Variants in TNNI3K observed in about 807,000 individuals in gnomAD.
TNNI3K encodes the protein serine/threonine-protein kinase TNNI3K.
A neutral mutation model predicts 114.5 loss-of-function variants in TNNI3K; 140 were observed. The observed-to-expected ratio is 1.22, with a 90% confidence interval of 1.07 to 1.41. The LOEUF is 1.41. Ranked by LOEUF, TNNI3K falls within the 40% of genes most tolerant of loss-of-function variation. TNNI3K has a pLI of 0.00. For missense variants in TNNI3K, 1,125 were observed against 1,007.6 expected, an observed-to-expected ratio of 1.12 and a Z score of -1.58; for synonymous variants, 347 against 347.5, an observed-to-expected ratio of 1.00 and a Z score of 0.02.
chr1:74,402,199 T>C (rs1442847301), intron 17 of TNNI3K, among the ~76,000 whole-genome samples: 1 of 152,164 alleles, frequency 6.6e-6, no homozygotes, highest in Admixed American at 6.5e-5. Flanking sequence ...ATGTGACTTT[T>C]GAAAAGGATG....
intron 17 of TNNI3K, among the ~76,000 whole-genome samples, chr1:74,429,110 G>A (rs572773467): frequency 6.6e-6 from 1 of 152,118 alleles, no homozygotes; most frequent in African/African-American, 2.4e-5. Flanking sequence ...CATGAATAAG[G>A]AGCTAATCTC....
intron 21 of TNNI3K, among the ~76,000 whole-genome samples, chr1:74,474,773 T>A (rs1401688938): frequency 6.6e-6 from 1 of 152,080 alleles, no homozygotes; most frequent in Non-Finnish European, 1.5e-5. Context: ...AGTCCTGACT[T>A]TCCCTGGACT....
chr1:74,366,684 A>T (rs2100513377), intron 11 of TNNI3K: 1 of 152,160 alleles, frequency 6.6e-6, no homozygotes, highest in Non-Finnish European at 1.5e-5. Flanking sequence ...GTACATAGGA[A>T]AATGTCACTG....
intron 21 of TNNI3K, among the ~76,000 whole-genome samples, chr1:74,487,152 T>C (rs1668808923): frequency 6.6e-6 from 1 of 152,128 alleles, no homozygotes; most frequent in African/African-American, 2.4e-5. Flanking sequence ...TAGGAGAATG[T>C]ATAGTATGTC....
chr1:74,406,441 G>A (rs1275593434), intron 17 of TNNI3K, among the ~76,000 whole-genome samples: 2 of 152,162 alleles, frequency 1.3e-5, no homozygotes, highest in African/African-American at 2.4e-5. Flanking sequence ...CCCTGCTCTA[G>A]AGGTTGCAAT....
intron 5 of TNNI3K, 88 bp from the exon 6 acceptor site, chr1:74,331,362 G>A: frequency 7.3e-7 from 1 of 1,361,668 alleles, no homozygotes; most frequent in Non-Finnish European, 9.9e-7. Flanking sequence ...AACTCCTGAT[G>A]AAGATTTGTG....
At chr1:74,298,784 T>C (rs911271744) in intron 5 of TNNI3K, among the ~76,000 whole-genome samples, 1 of 152,142 alleles carries the variant, frequency 6.6e-6, no homozygotes, top group African/African-American at 2.4e-5. Context: ...ATCTCATGGC[T>C]AATAAATTTT....
At chr1:74,321,424 T>C in intron 5 of TNNI3K, among the ~76,000 whole-genome samples, 1 of 152,076 alleles carries the variant, frequency 6.6e-6, no homozygotes, top group East Asian at 1.9e-4. Flanking sequence ...AAATATCTCC[T>C]CTTACTTTAG....
At chr1:74,432,986 C>T (rs966768280) in intron 17 of TNNI3K, among the ~76,000 whole-genome samples, 17 of 152,150 alleles carry the variant, frequency 1.1e-4, no homozygotes, top group African/African-American at 3.9e-4. Context: ...TCCATAGTGG[C>T]TCCATGAGGA....
chr1:74,391,942 A>G (rs529979548), intron 17 of TNNI3K, among the ~76,000 whole-genome samples: 26 of 142,872 alleles, frequency 1.8e-4, no homozygotes, highest in Admixed American at 1.7e-3. Context: ...TTGATTTAGG[A>G]TGGTACAGCT....
chr1:74,324,904 G>A (rs941049577), intron 5 of TNNI3K, among the ~76,000 whole-genome samples: 2 of 152,222 alleles, frequency 1.3e-5, no homozygotes, highest in East Asian at 1.9e-4. Context: ...CATCAGAGGA[G>A]CAAGCCAAGT....
rs373618530 is a variant in TNNI3K at position 74,257,761 on chromosome 1, C to T, written c.333+6992C>T. ...TTGGCTCACTGCAAGCTCCGCCTCC[C>T]GGTTCAAGCCATTCTTCTGCCTCAG... On this transcript the variant is annotated intron_variant, in intron 4 of 24. Transcript: ENST00000326637. Among the ~76,000 whole-genome samples the T allele has an allele frequency of 1.6e-4, 24 of 150,566 alleles. 1 individual carries two copies. In the East Asian group the frequency reaches 2.7e-3, roughly 17 times the overall value.
intron 17 of TNNI3K, among the ~76,000 whole-genome samples, chr1:74,419,621 A>G (rs1372199323): frequency 6.6e-6 from 1 of 152,032 alleles, no homozygotes; most frequent in Non-Finnish European, 1.5e-5. Flanking sequence ...TGGTGCTTCA[A>G]AAGGAAGTTT....
At chr1:74,426,492 G>A (rs139536305) in intron 17 of TNNI3K, among the ~76,000 whole-genome samples, 173 of 152,000 alleles carry the variant, frequency 1.1e-3, no homozygotes, top group African/African-American at 3.7e-3. Flanking sequence ...CTCAGCCCTC[G>A]TCTGCTTGAC....
chr1:74,250,752 C>A lies in TNNI3K; in HGVS notation c.316C>A (p.His106Asn). 1 of 1,611,676 alleles carries A rather than the reference C, an allele frequency of 6.2e-7. No homozygotes were observed. The highest frequency in any genetic ancestry group is 8.5e-7 in the Non-Finnish European group (1 of 1,179,044). ...GACAAGAAATGGATTTACAGCCTTG[C>A]ATTTAGCAGTTTACAAGGTAGGACA... ...RLTRNGFTAL[H>N]LAVYKDNAEL... Residue 106 changes from histidine (H) to asparagine (N), a missense_variant, in exon 4 of 25, where the codon CAT (histidine) becomes AAT (asparagine). His to Asn is a moderately conservative substitution (Grantham distance 68). Coordinates refer to ENST00000326637, the MANE Select transcript of TNNI3K (RefSeq NM_015978.3).
chr1:74,393,591 A>T (rs1362762929), intron 17 of TNNI3K, among the ~76,000 whole-genome samples: 1 of 152,226 alleles, frequency 6.6e-6, no homozygotes, highest in East Asian at 1.9e-4. Flanking sequence ...AATAAGGTGG[A>T]TCAAGTAACA....
Position 74,316,690 on chromosome 1 carries a change from A to T in TNNI3K, c.445-14760A>T, listed in dbSNP as rs1431563017. ...ATTATTTTTTTTTTAATTTTTATTT[A>T]TTTATTTATTTATTTTTGAGACGGA... is the stretch of plus-strand genomic sequence containing the variant. On this transcript the variant is annotated intron_variant, in intron 5 of 24. Coordinates refer to ENST00000326637, the MANE Select transcript of TNNI3K (RefSeq NM_015978.3). Among the ~76,000 whole-genome samples, 9 of 148,908 alleles carry T rather than the reference A, an allele frequency of 6.0e-5. No individual in the cohort carries two copies. In the South Asian group the frequency reaches 8.5e-4, roughly 14 times the overall value.
intron 21 of TNNI3K, among the ~76,000 whole-genome samples, chr1:74,488,797 A>G (rs1668893615): frequency 6.6e-6 from 1 of 152,208 alleles, no homozygotes; most frequent in African/African-American, 2.4e-5. Context: ...TTATAAATCT[A>G]GCCTTAGCAG....
chr1:74,285,966 T>C (rs1257767406), intron 5 of TNNI3K, among the ~76,000 whole-genome samples: 1 of 152,166 alleles, frequency 6.6e-6, no homozygotes, highest in African/African-American at 2.4e-5. Flanking sequence ...CCATTGCTTG[T>C]CATCTCACAG....
Sources: allele counts gnomAD v4.1 joint callset (sites outside exome capture counted in the v4.1 genomes callset), GRCh38; gene constraint gnomAD v4.1.1; transcripts MANE v1.5; gene names NCBI Gene and HGNC (gene_info 2026-07-23, HGNC 2026-07-21).